The following LRP1B variants were observed in gnomAD, a reference collection of about 807,000 sequenced individuals.
The protein encoded by LRP1B is LDL receptor related protein 1B.
LRP1B carries 217 observed loss-of-function variants against 556.6 expected under a neutral mutation model. That is an observed-to-expected ratio of 0.39 (90% CI 0.35 to 0.44). The LOEUF is 0.44. Ranked by LOEUF, LRP1B falls within the 20% of genes least tolerant of loss-of-function variation. The probability of loss-of-function intolerance (pLI) is 1.00; values close to 1 mark genes in which losing one functional copy is unlikely to be tolerated. For synonymous variants in LRP1B, 2,047 were observed against 1,865.8 expected, an observed-to-expected ratio of 1.10 and a Z score of -2.50; for missense variants, 5,053 against 5,620.8, an observed-to-expected ratio of 0.90 and a Z score of 3.23.
intron 23 of LRP1B, among the ~76,000 whole-genome samples, chr2:140,898,002 G>A (rs912960439): frequency 6.6e-6 from 1 of 152,084 alleles, no homozygotes; most frequent in African/African-American, 2.4e-5. Flanking sequence ...CCCTGATGAA[G>A]ACACCAACTT....
intron 84 of LRP1B, 116 bp from the exon 85 acceptor site, chr2:140,274,714 C>T: frequency 4.0e-5 from 31 of 776,884 alleles, no homozygotes. Context: ...GATTAATTTA[C>T]AAAAGCAGCT....
At chr2:141,964,088 TAA>T (rs1701486762) in intron 1 of LRP1B, among the ~76,000 whole-genome samples, 1 of 139,844 alleles carries the variant, frequency 7.2e-6, no homozygotes, top group South Asian at 2.4e-4. Flanking sequence ...CTCAAGGAAA[TAA>T]AAGAGGATAC....
chr2:140,995,910 A>T (rs1697232091), intron 15 of LRP1B, among the ~76,000 whole-genome samples: 1 of 152,028 alleles, frequency 6.6e-6, no homozygotes, highest in Non-Finnish European at 1.5e-5. Context: ...GAAAGAGAAG[A>T]GAATATGTGG....
At chr2:141,380,627 G>A (rs190283825) in intron 3 of LRP1B, among the ~76,000 whole-genome samples, 83 of 152,270 alleles carry the variant, frequency 5.5e-4, no homozygotes, top group African/African-American at 1.9e-3. Flanking sequence ...GATTTCAAGA[G>A]CATTCTAAAC....
intron 68 of LRP1B, among the ~76,000 whole-genome samples, chr2:140,374,093 A>C (rs1170857924): frequency 6.6e-6 from 1 of 152,194 alleles, no homozygotes; most frequent in Non-Finnish European, 1.5e-5. Context: ...TTTATGTGGA[A>C]GTCAAACAAG....
intron 86 of LRP1B, chr2:140,269,455 C>T (rs1682359657): frequency 2.2e-6 from 1 of 451,402 alleles, no homozygotes; most frequent in African/African-American, 2.0e-5. Flanking sequence ...AAATTCATTT[C>T]ATACAGAGAT....
intron 3 of LRP1B, among the ~76,000 whole-genome samples, chr2:141,285,072 G>C (rs1685654426): frequency 6.6e-6 from 1 of 150,870 alleles, no homozygotes; most frequent in African/African-American, 2.4e-5. Context: ...ACATTCTTCA[G>C]AATTTCCTAT....
intron 66 of LRP1B, among the ~76,000 whole-genome samples, chr2:140,418,517 T>G (rs977996006): frequency 6.6e-6 from 1 of 152,174 alleles, no homozygotes; most frequent in Non-Finnish European, 1.5e-5. Context: ...AGGCAGAATA[T>G]GCTGAGATTG....
intron 2 of LRP1B, among the ~76,000 whole-genome samples, chr2:141,500,816 C>A (rs1683686823): frequency 6.6e-6 from 1 of 152,186 alleles, no homozygotes; most frequent in Middle Eastern, 3.4e-3. Flanking sequence ...CAAAGGGTGT[C>A]TGATCCTTTG....
intron 1 of LRP1B, among the ~76,000 whole-genome samples, chr2:142,042,648 CA>C (rs1460574552): frequency 6.6e-6 from 1 of 151,424 alleles, no homozygotes; most frequent in East Asian, 1.9e-4. Context: ...ATACTAGGTT[CA>C]AAAAGCCTTT....
chr2:141,982,592 C>A (rs1702073540), intron 1 of LRP1B, among the ~76,000 whole-genome samples: 1 of 152,058 alleles, frequency 6.6e-6, no homozygotes, highest in South Asian at 2.1e-4. Context: ...CTATTATGAT[C>A]TTTTTACAGA....
chr2:142,083,056 G>C (rs1705780334), intron 1 of LRP1B, among the ~76,000 whole-genome samples: 1 of 152,178 alleles, frequency 6.6e-6, no homozygotes, highest in Admixed American at 6.5e-5. Context: ...TGAGGTGACA[G>C]TAAATGATAG....
chr2:141,849,219 T>A (rs957075027), intron 1 of LRP1B, among the ~76,000 whole-genome samples: 4 of 151,706 alleles, frequency 2.6e-5, no homozygotes, highest in African/African-American at 9.7e-5. Context: ...CAAAAGTTTT[T>A]AAGCAGATTC....
intron 3 of LRP1B, among the ~76,000 whole-genome samples, chr2:141,414,333 AAG>A (rs145307690): frequency 0.017 from 2,426 of 144,886 alleles, 76 homozygotes; most frequent in East Asian, 0.094. Flanking sequence ...TAAAGAGAGA[AAG>A]AGAGAGAGAG....
intron 60 of LRP1B, among the ~76,000 whole-genome samples, chr2:140,471,061 C>T (rs911359166): frequency 1.3e-5 from 2 of 152,096 alleles, no homozygotes; most frequent in African/African-American, 4.8e-5. Flanking sequence ...TATGGACCTA[C>T]AAGAAGAATA....
chr2:142,031,324 A>T (rs2060591), intron 1 of LRP1B, among the ~76,000 whole-genome samples: 129,609 of 137,872 alleles, frequency 0.94, 61,123 homozygotes, highest in East Asian at 1. Flanking sequence ...AAGGTTGATT[A>T]TACTTATTTT....
intron 2 of LRP1B, among the ~76,000 whole-genome samples, chr2:141,491,879 T>A (rs550562630): frequency 6.6e-6 from 1 of 152,042 alleles, no homozygotes; most frequent in Non-Finnish European, 1.5e-5. Context: ...TCTTTGTCCA[T>A]CTTCTTCCTC....
intron 35 of LRP1B, among the ~76,000 whole-genome samples, chr2:140,738,523 T>C (rs1254150500): frequency 1.3e-5 from 2 of 152,062 alleles, no homozygotes; most frequent in East Asian, 1.9e-4. Flanking sequence ...TCCCACATTG[T>C]CCCCCGCCAA....
At chr2:141,103,018 T>C (rs1056533706) in intron 7 of LRP1B, among the ~76,000 whole-genome samples, 7 of 152,088 alleles carry the variant, frequency 4.6e-5, no homozygotes, top group Non-Finnish European at 8.8e-5. Context: ...GCAATTCTAT[T>C]TTTATCATTT....
Sources: gnomAD v4.1 joint callset for allele counts (sites outside exome capture counted in the v4.1 genomes callset) on GRCh38, gnomAD v4.1.1 for gene constraint, MANE v1.5 for transcripts, NCBI Gene and HGNC (gene_info 2026-07-23, HGNC 2026-07-21) for gene names.